Variants in CASP4 observed in about 807,000 individuals in gnomAD.
CASP4 encodes the protein caspase 4.
CASP4 carries 29 observed loss-of-function variants against 41.3 expected under a neutral mutation model. That is an observed-to-expected ratio of 0.70 (90% CI 0.52 to 0.96). The LOEUF (loss-of-function observed/expected upper bound fraction) is 0.96. Among genes scored for constraint, CASP4 ranks in the 40% least tolerant of loss-of-function variants. The pLI is 0.00. For synonymous variants in CASP4, 185 were observed against 158.4 expected (o/e 1.17, Z -1.26); for missense variants, 447 against 460.6 (o/e 0.97, Z 0.27).
At chr11:104,947,958 A>G (rs1368811610) in intron 6 of CASP4, 1 of 152,232 alleles carries the variant, frequency 6.6e-6, no homozygotes, top group Non-Finnish European at 1.5e-5. Context: ...TATACATTAA[A>G]TATGTAACAT....
intron 4 of CASP4, 37 bp from the exon 5 acceptor site, chr11:104,949,814 C>A (rs755609206): frequency 6.3e-7 from 1 of 1,592,972 alleles, no homozygotes; most frequent in Non-Finnish European, 8.6e-7. Flanking sequence ...GTCAGAGAAG[C>A]ATCACAATTA....
intron 4 of CASP4, 55 bp downstream of exon 4, chr11:104,950,870 T>G: frequency 6.5e-7 from 1 of 1,540,598 alleles, no homozygotes; most frequent in Non-Finnish European, 8.9e-7. Flanking sequence ...TAGGTAGTTA[T>G]TAGAAGGATG....
Position 104,955,019 on chromosome 11 carries a change from A to T in CASP4, c.8-18T>A. On this transcript the variant is annotated intron_variant, in intron 1 of 8. Transcript: ENST00000444739. ...GTTGCCTTCTGTTAGAAATAGAAAG[A>T]TTCCTTTAACTATGGGCACAGCTTA... 1 of 1,609,358 alleles carries T rather than the reference A, an allele frequency of 6.2e-7. No homozygotes were observed. Among genetic ancestry groups the T allele is most frequent in the South Asian group, 1.1e-5 (1 of 90,556 alleles).
chr11:104,960,047 A>G (rs1249348635), intron 1 of CASP4, among the ~76,000 whole-genome samples: 1 of 152,010 alleles, frequency 6.6e-6, no homozygotes, highest in Non-Finnish European at 1.5e-5. Flanking sequence ...TCATTCACTC[A>G]TTTTCTGATA....
At chr11:104,959,950 C>G (rs1860821344) in intron 1 of CASP4, among the ~76,000 whole-genome samples, 1 of 152,150 alleles carries the variant, frequency 6.6e-6, no homozygotes, top group Non-Finnish European at 1.5e-5. Flanking sequence ...TACTCTCCGT[C>G]CCTCTATTCT....
In CASP4 at chr11:104,953,792, A is replaced by G. The variant is rs56229122; in HGVS notation, c.262+955T>C. On this transcript the variant is annotated intron_variant, in intron 2 of 8. Transcript: ENST00000444739. ...GAGTCTGTCTCTGGTGAACTTCAAT[A>G]TGAGAATATTTAACCTTTAATAATA... is the stretch of plus-strand genomic sequence containing the variant. 2.8e-4 allele frequency among the ~76,000 whole-genome samples: 43 copies of G among 152,256 alleles called. No homozygotes were observed. The East Asian group carries it at 6.8e-3, about 24-fold the overall frequency.
At chr11:104,967,785 T>C (rs1048793077) in intron 1 of CASP4, among the ~76,000 whole-genome samples, 1 of 152,168 alleles carries the variant, frequency 6.6e-6, no homozygotes, top group Non-Finnish European at 1.5e-5. Flanking sequence ...CTAGTCCAAT[T>C]TCTTCCTTTT....
intron 1 of CASP4, among the ~76,000 whole-genome samples, chr11:104,962,285 G>A (rs1458075718): frequency 6.6e-6 from 1 of 152,116 alleles, no homozygotes; most frequent in African/African-American, 2.4e-5. Context: ...AATCTGGTAT[G>A]CCAGCAAAAA....
At chr11:104,955,792 G>T (rs968844338) in intron 1 of CASP4, among the ~76,000 whole-genome samples, 2 of 152,054 alleles carry the variant, frequency 1.3e-5, no homozygotes, top group East Asian at 3.9e-4. Flanking sequence ...CAACAGATAT[G>T]ATTTCGGCAG....
intron 1 of CASP4, among the ~76,000 whole-genome samples, chr11:104,964,412 T>C (rs977217300): frequency 6.6e-6 from 1 of 152,246 alleles, no homozygotes; most frequent in Non-Finnish European, 1.5e-5. Context: ...TACACTCCTG[T>C]GAAAAAATTT....
intron 1 of CASP4, among the ~76,000 whole-genome samples, chr11:104,967,252 T>C (rs1860994688): frequency 6.6e-6 from 1 of 152,180 alleles, no homozygotes; most frequent in African/African-American, 2.4e-5. Context: ...TATCTAATGA[T>C]CCCTTGATTC....
At chr11:104,958,758 C>A (rs12799267) in intron 1 of CASP4, among the ~76,000 whole-genome samples, 1 of 151,994 alleles carries the variant, frequency 6.6e-6, no homozygotes, top group East Asian at 1.9e-4. Flanking sequence ...GTCAGTAGTT[C>A]TAGACCAGGC....
At position 104,948,617 on chromosome 11, in the gene CASP4, G is replaced by A. The variant is rs753650724; in HGVS notation, c.841C>T (p.Gln281Ter). ...SPASLEVASS[Q>*]SSENLEEDAV... Reference sequence around the variant, plus strand: ...TCTTCCTCTAGGTTCTCAGATGACTGTGAAGAGGCCACTTCCAAGGATGCT... The same window carrying A: ...TCTTCCTCTAGGTTCTCAGATGACTATGAAGAGGCCACTTCCAAGGATGCT... The change falls in exon 6 of 9, where the codon CAG becomes TAG. Residue 281 changes from glutamine to a stop codon, truncating the protein, a stop_gained. Transcript: ENST00000444739. LOFTEE classifies it high-confidence loss of function. The A allele has an allele frequency of 6.2e-7, 1 of 1,611,324 alleles. No individual in the cohort carries two copies. Among genetic ancestry groups the A allele is most frequent in the Non-Finnish European group, 8.5e-7 (1 of 1,178,338 alleles).
chr11:104,950,977 A>C lies in CASP4; in HGVS notation c.494T>G (p.Leu165Arg), dbSNP rs776736225. The C allele has an allele frequency of 6.2e-7, 1 of 1,613,440 alleles. No homozygotes were observed. The highest frequency in any genetic ancestry group is 8.5e-7 in the Non-Finnish European group (1 of 1,179,580). Residue 165 changes from leucine (L) to arginine (R), a missense_variant, in exon 4 of 9, where the codon CTA (leucine) becomes CGA (arginine). Coordinates refer to ENST00000444739, the MANE Select transcript of CASP4 (RefSeq NM_001225.4). ...ADFDITGMKE[L>R]LEGLDYSVDV... ...TACACTATAGTCCAGACCCTCAAGTAGCTCCTTCATCCCTGTGATGTCAAA... is the reference window on the plus strand; with the variant it reads ...TACACTATAGTCCAGACCCTCAAGTCGCTCCTTCATCCCTGTGATGTCAAA...
At chr11:104,946,258 C>T (rs1230625211) in intron 7 of CASP4, among the ~76,000 whole-genome samples, 1 of 152,090 alleles carries the variant, frequency 6.6e-6, no homozygotes, top group African/African-American at 2.4e-5. Flanking sequence ...TGTGTTAATA[C>T]CAATCCCATT....
In CASP4 at chr11:104,942,968, G is replaced by A. The variant is rs1860361040; in HGVS notation, c.*11C>T. On this transcript the variant is annotated 3_prime_UTR_variant, in exon 9 of 9. Coordinates refer to ENST00000444739, the MANE Select transcript of CASP4 (RefSeq NM_001225.4). ...GATTAAGGAGGGCTGGGCTGCTTGT[G>A]GCTTCCTGCAGGGGAGAGAAAAAAC... 1 of 455,270 alleles carries A rather than the reference G, an allele frequency of 2.2e-6. No homozygotes were observed. Among genetic ancestry groups the A allele is most frequent in the African/African-American group, 2.0e-5 (1 of 50,024 alleles). The allele number at this position is 455,270 out of a possible 1,614,324, so 28.2% of individuals were successfully genotyped here. A position where few individuals can be genotyped will look rare whatever the true frequency, so the allele number is the denominator to read the frequency against.
chr11:104,962,993 T>C (rs1860894169), intron 1 of CASP4, among the ~76,000 whole-genome samples: 1 of 152,162 alleles, frequency 6.6e-6, no homozygotes, highest in African/African-American at 2.4e-5. Flanking sequence ...AAAAAGAAAC[T>C]GCTTACCACA....
chr11:104,955,122 C>G, intron 1 of CASP4, 121 bp from the exon 2 acceptor site: 1 of 937,688 alleles, frequency 1.1e-6, no homozygotes. Flanking sequence ...CACCATCTGT[C>G]TTCTTGTACC....
chr11:104,951,153 C>A lies in CASP4; in HGVS notation c.373-55G>T, dbSNP rs1270318783. ...ATTTACTCAAGTCTCCTTTCAGCCT[C>A]CTTATGCCTATCAGTGTTGCTTTTT... is the stretch of plus-strand genomic sequence containing the variant. On this transcript the variant is annotated intron_variant, in intron 3 of 8. Transcript: ENST00000444739. 33 of 1,510,396 alleles carry A rather than the reference C, an allele frequency of 2.2e-5. No homozygotes were observed. The East Asian group carries it at 7.5e-4, about 34-fold the overall frequency. 93.6% of individuals were successfully genotyped at this position (1,510,396 alleles called of 1,614,324 possible).
Sources: gnomAD v4.1 joint callset for allele counts (sites outside exome capture counted in the v4.1 genomes callset) on GRCh38, gnomAD v4.1.1 for gene constraint, MANE v1.5 for transcripts, NCBI Gene and HGNC (gene_info 2026-07-23, HGNC 2026-07-21) for gene names.